The following WHR1 variants were observed in gnomAD, a reference collection of about 807,000 sequenced individuals.
WHR1 encodes the protein MHC class III HLA-RP1.
At chr6:31,971,757 G>A in the WHR1 span, 159 of 1,427,394 alleles carry the variant, frequency 1.1e-4, no homozygotes, top group Non-Finnish European at 1.4e-4. The surrounding 1 kb of genome is among the most constrained non-coding windows in gnomAD (Gnocchi z 4.5). Context: ...AGGACTAAGC[G>A]AGCCACCTGA....
At chr6:31,979,265 G>A in the WHR1 span, 95 of 907,390 alleles carry the variant, frequency 1.0e-4, 1 homozygote, top group South Asian at 1.6e-3. Context: ...AGAGGGGGAG[G>A]AGGATGAAGA....
chr6:31,979,723 G>A, the WHR1 span: 8 of 829,208 alleles, frequency 9.6e-6, no homozygotes, highest in Non-Finnish European at 1.5e-5. Context: ...CCCCACAAGA[G>A]AGGAGGCCTA....
the WHR1 span, among the ~76,000 whole-genome samples, chr6:31,978,656 C>G: frequency 6.6e-6 from 1 of 152,140 alleles, no homozygotes; most frequent in Non-Finnish European, 1.5e-5. Context: ...ATCTTAGTGC[C>G]TGGTCTTAGA....
the WHR1 span, chr6:31,972,810 C>T: frequency 5.2e-5 from 83 of 1,600,230 alleles, no homozygotes; most frequent in Non-Finnish European, 6.4e-5. The surrounding 1 kb of genome is among the most constrained non-coding windows in gnomAD (Gnocchi z 6.3). Flanking sequence ...TCCTGGAATT[C>T]CCTGTCACTC....
the WHR1 span, chr6:31,973,205 G>A: frequency 5.4e-6 from 2 of 367,700 alleles, no homozygotes; most frequent in Non-Finnish European, 1.1e-5. Flanking sequence ...GGTCAGTGCA[G>A]TAGGGAGGGA....
chr6:31,974,211 C>T, the WHR1 span, among the ~76,000 whole-genome samples: 4 of 144,330 alleles, frequency 2.8e-5, no homozygotes, highest in South Asian at 2.2e-4. Flanking sequence ...GCTGGGGAGG[C>T]GGAGGTTGCA....
chr6:31,978,449 A>G, the WHR1 span, among the ~76,000 whole-genome samples: 1 of 152,232 alleles, frequency 6.6e-6, no homozygotes. Context: ...AAACAATTTT[A>G]AAATAACATT....
At chr6:31,976,439 C>T in the WHR1 span, among the ~76,000 whole-genome samples, 3 of 150,814 alleles carry the variant, frequency 2.0e-5, no homozygotes, top group African/African-American at 7.3e-5. Flanking sequence ...TCCTCACATC[C>T]CAGACGGGGC....
the WHR1 span, chr6:31,971,994 A>C: frequency 1.6e-5 from 25 of 1,597,732 alleles, no homozygotes. The surrounding 1 kb of genome is among the most constrained non-coding windows in gnomAD (Gnocchi z 4.5). Context: ...CAGAGGCCGA[A>C]GGATGCAAAA....
At chr6:31,976,265 A>AC in the WHR1 span, among the ~76,000 whole-genome samples, 33 of 140,824 alleles carry the variant, frequency 2.3e-4, no homozygotes, top group East Asian at 6.6e-4. Context: ...CAGGGGGCTG[A>AC]CCCCCCCACC....
chr6:31,972,151 G>A, the WHR1 span: 1 of 1,612,876 alleles, frequency 6.2e-7, no homozygotes, highest in Non-Finnish European at 8.5e-7. This position sits in a 1 kb window ranked among gnomAD's most constrained non-coding sequence, Gnocchi z 6.3. Flanking sequence ...GTCCCCGGGC[G>A]TGCGTGCCCT....
chr6:31,974,896 A>G, the WHR1 span, among the ~76,000 whole-genome samples: 2 of 152,252 alleles, frequency 1.3e-5, no homozygotes, highest in African/African-American at 2.4e-5. Flanking sequence ...GAGGTGAGCT[A>G]GTCTCCCTGA....
At chr6:31,971,447 C>A in the WHR1 span, 2 of 1,613,488 alleles carry the variant, frequency 1.2e-6, no homozygotes, top group Non-Finnish European at 1.7e-6. The surrounding 1 kb of genome is among the most constrained non-coding windows in gnomAD (Gnocchi z 4.5). Flanking sequence ...GGGCCTGGAC[C>A]GTTAGTGGGG....
At chr6:31,977,444 C>G in the WHR1 span, among the ~76,000 whole-genome samples, 1 of 151,486 alleles carries the variant, frequency 6.6e-6, no homozygotes, top group Non-Finnish European at 1.5e-5. Context: ...CTGGGTTCAC[C>G]CATTCTCCCG....
At chr6:31,978,164 T>C in the WHR1 span, among the ~76,000 whole-genome samples, 1 of 152,234 alleles carries the variant, frequency 6.6e-6, no homozygotes, top group Non-Finnish European at 1.5e-5. Flanking sequence ...TTTTAAGAGA[T>C]GGGGTCTCAC....
At chr6:31,971,958 G>A in the WHR1 span, 2 of 1,570,346 alleles carry the variant, frequency 1.3e-6, no homozygotes, top group Non-Finnish European at 1.7e-6. This position sits in a 1 kb window ranked among gnomAD's most constrained non-coding sequence, Gnocchi z 4.5. Context: ...CACCTCCGCA[G>A]AGCTATGACG....
chr6:31,979,421 A>G, the WHR1 span: 1 of 1,612,912 alleles, frequency 6.2e-7, no homozygotes, highest in Non-Finnish European at 8.5e-7. Context: ...TAGGTCCTCA[A>G]GGCCTGTGAT....
the WHR1 span, among the ~76,000 whole-genome samples, chr6:31,977,673 C>T: frequency 3.3e-5 from 5 of 150,776 alleles, no homozygotes; most frequent in Non-Finnish European, 4.4e-5. Context: ...TAATGGAGAC[C>T]GGGTTTCATC....
chr6:31,972,507 G>C, the WHR1 span: 1 of 1,607,040 alleles, frequency 6.2e-7, no homozygotes, highest in Non-Finnish European at 8.5e-7. This position sits in a 1 kb window ranked among gnomAD's most constrained non-coding sequence, Gnocchi z 6.3. Flanking sequence ...TTCGGGGTGA[G>C]CCAGGTAACC....
Sources: allele counts gnomAD v4.1 joint callset (sites outside exome capture counted in the v4.1 genomes callset), GRCh38; gene constraint gnomAD v4.1.1; non-coding constraint Gnocchi (gnomAD v3.1); transcripts MANE v1.5; gene names NCBI Gene and HGNC (gene_info 2026-07-23, HGNC 2026-07-21).